PLXNB1: variants seen among roughly 807,000 people sequenced by gnomAD.
The protein encoded by PLXNB1 is plexin B1, also known as plexin-B1.
PLXNB1 carries 106 observed loss-of-function variants against 209.4 expected under a neutral mutation model. That is an observed-to-expected ratio of 0.51 (90% confidence interval 0.43 to 0.59). PLXNB1 has a LOEUF of 0.59. Among genes scored for constraint, PLXNB1 ranks in the 20% least tolerant of loss-of-function variants. PLXNB1 has a pLI of 0.00. For synonymous variants in PLXNB1, 1,167 were observed against 1,183.2 expected (o/e 0.99, Z 0.28); for missense variants, 2,357 against 2,853.2 (o/e 0.83, Z 3.96).
rs1305310693 is a variant in PLXNB1 at position 48,414,075 on chromosome 3, G to A, written c.4210-4C>T. 2.5e-6 allele frequency: 4 copies of A among 1,613,144 alleles called. No individual in the cohort carries two copies. The South Asian group carries it at 3.3e-5, about 13-fold the overall frequency. On this transcript the variant is annotated splice_polypyrimidine_tract_variant and splice_region_variant and intron_variant, in intron 21 of 37. Transcript: ENST00000296440. ...TTGCAAGGTCCAGGTTCTCCCCCTG[G>A]AACAGAGGGTCACCGATCAGTCACT...
At position 48,417,146 on chromosome 3, in the gene PLXNB1, TAGTCACCGTA is replaced by T. The variant is rs1289643678; in HGVS notation, c.3375-705_3375-696del. On this transcript the variant is annotated intron_variant, in intron 16 of 37. Transcript: ENST00000296440. This position sits in a 1 kb window ranked among gnomAD's most constrained non-coding sequence, Gnocchi z 4.4. Reference sequence around the variant, plus strand: ...TGGTCTGGAACACTAACAGTCTAGATAGTCACCGTAAGTTCTCGGTCATAACACATTCAGG... The same window carrying T: ...TGGTCTGGAACACTAACAGTCTAGATAGTTCTCGGTCATAACACATTCAGG... Among the ~76,000 whole-genome samples the T allele has an allele frequency of 6.6e-6, 1 of 151,986 alleles. No individual in the cohort carries two copies. Among genetic ancestry groups the T allele is most frequent in the Non-Finnish European group, 1.5e-5 (1 of 68,020 alleles).
intron 34 of PLXNB1, among the ~76,000 whole-genome samples, chr3:48,407,416 G>A (rs1575376551): frequency 1.3e-5 from 2 of 152,128 alleles, no homozygotes; most frequent in Non-Finnish European, 2.9e-5. Context: ...TTCACTCCCA[G>A]GGTCATCATT....
In PLXNB1 at chr3:48,416,046, T is replaced by G; in HGVS notation, c.3602A>C (p.Asp1201Ala). The change falls in exon 18 of 38, where the codon GAC (aspartate) becomes GCC (alanine). Residue 1201 changes from aspartate to alanine, a missense_variant. Transcript: ENST00000296440. The surrounding 1 kb of genome is among the most constrained non-coding windows in gnomAD (Gnocchi z 4.1). ...RLEDIRVVVG[D>A]QPCHLLPEQQ... ...TGGCCCTCACAAGTGACAAGGCTGGTCTCCAACCACCACTCGGATGTCCTC... is the reference window on the plus strand; with the variant it reads ...TGGCCCTCACAAGTGACAAGGCTGGGCTCCAACCACCACTCGGATGTCCTC... 6.2e-7 allele frequency: 1 copy of G among 1,603,502 alleles called. No homozygotes were observed. Among genetic ancestry groups the G allele is most frequent in the Non-Finnish European group, 8.5e-7 (1 of 1,175,382 alleles).
Position 48,409,798 on chromosome 3 carries a change from C to A in PLXNB1, c.5779-67G>T. 2.5e-6 allele frequency: 4 copies of A among 1,580,094 alleles called. No individual in the cohort carries two copies. The highest frequency in any genetic ancestry group is 4.5e-5 in the East Asian group (2 of 44,484). Reference sequence around the variant, plus strand: ...CCCTCAGCAGCAGCCCAGCCTCAGACACCCCCCGGCACTGTGCCTGCACGA... The same window carrying A: ...CCCTCAGCAGCAGCCCAGCCTCAGAAACCCCCCGGCACTGTGCCTGCACGA... On this transcript the variant is annotated intron_variant, in intron 32 of 37. Transcript: ENST00000296440. This position sits in a 1 kb window ranked among gnomAD's most constrained non-coding sequence, Gnocchi z 5.8.
chr3:48,422,771 C>T lies in PLXNB1; in HGVS notation c.1284G>A (p.Leu428=), dbSNP rs1163796601. 1.9e-6 allele frequency: 3 copies of T among 1,613,418 alleles called. No individual in the cohort carries two copies. Among genetic ancestry groups the T allele is most frequent in the Non-Finnish European group, 2.5e-6 (3 of 1,179,672 alleles). The change falls in exon 4 of 38, where the codon CTG becomes CTA. Residue 428 remains leucine, a synonymous_variant. Transcript: ENST00000296440. The part of the protein sequence containing the change: ...IAFLGDSQGQ[L]HRVYLGPGSD... ...GTACTTCCTGTGGGCTCACCCTGTGCAGCTGCCCTTGACTATCACCCAGGA... is the reference window on the plus strand; with the variant it reads ...GTACTTCCTGTGGGCTCACCCTGTGTAGCTGCCCTTGACTATCACCCAGGA...
chr3:48,404,552 C>T lies in PLXNB1; in HGVS notation c.6342G>A (p.Lys2114=). 2 of 1,613,918 alleles carry T rather than the reference C, an allele frequency of 1.2e-6. No homozygotes were observed. Among genetic ancestry groups the T allele is most frequent in the Middle Eastern group, 1.7e-4 (1 of 6,058 alleles). ...TALEEDGTAQ[K]MQLGYRLQQI... ...GCTGGAGCCGATAGCCCAGCTGCAT[C>T]TTCTGGGCCGTGCCATCCTCCTCCA... Residue 2114 remains lysine (K), a synonymous_variant, in exon 38 of 38, where the codon AAG becomes AAA. Coordinates refer to ENST00000296440, the MANE Select transcript of PLXNB1 (RefSeq NM_001130082.3).
At chr3:48,423,425 T>C in intron 3 of PLXNB1, 80 bp downstream of exon 3, 2 of 1,498,146 alleles carry the variant, frequency 1.3e-6, no homozygotes, top group Non-Finnish European at 1.8e-6. Context: ...GCCCTCGGAC[T>C]CTCTGGGCAG....
At position 48,413,635 on chromosome 3, in the gene PLXNB1, C is replaced by T; in HGVS notation, c.4535+35G>A. On this transcript the variant is annotated intron_variant, in intron 23 of 37. Coordinates refer to ENST00000296440, the MANE Select transcript of PLXNB1 (RefSeq NM_001130082.3). The surrounding 1 kb of genome is among the most constrained non-coding windows in gnomAD (Gnocchi z 5.4). ...TTCCCAGTCCAGCCAGATCCCACGA[C>T]CTGCCCCAGCCCAGCCACATCTGGC... The T allele has an allele frequency of 3.2e-6, 5 of 1,574,120 alleles. No individual in the cohort carries two copies. Among genetic ancestry groups the T allele is most frequent in the Non-Finnish European group, 4.3e-6 (5 of 1,154,572 alleles).
chr3:48,419,906 G>C lies in PLXNB1; in HGVS notation c.2380C>G (p.Pro794Ala). Residue 794 changes from proline (P) to alanine (A), a missense_variant, in exon 11 of 38, where the codon CCC becomes GCC. By Grantham distance (27) the Pro-to-Ala change is conservative. This residue lies in a region of PLXNB1 where 410 missense variants were observed against 401.0 expected (regional missense o/e 1.02). Coordinates refer to ENST00000296440, the MANE Select transcript of PLXNB1 (RefSeq NM_001130082.3). The surrounding 1 kb of genome is among the most constrained non-coding windows in gnomAD (Gnocchi z 5.7). ...GGGGGCACTGCTGCTACCTCTGAGG[G>C]TGACAGCGGGGAGGCCAAGAGGTCC... ...PEDLLASPLSPSEVAAVPPAD... is the reference protein window; with the variant it reads ...PEDLLASPLSASEVAAVPPAD... The C allele has an allele frequency of 6.4e-7, 1 of 1,563,132 alleles. No homozygotes were observed. The highest frequency in any genetic ancestry group is 1.2e-5 in the South Asian group (1 of 82,598).
chr3:48,421,136 CA>C, intron 8 of PLXNB1, 91 bp downstream of exon 8: 1 of 1,480,898 alleles, frequency 6.8e-7, no homozygotes, highest in East Asian at 2.3e-5. Context: ...GGCATCCATT[CA>C]TGGCTCTTTG....
In PLXNB1 at chr3:48,404,369, CT is replaced by C; in HGVS notation, c.*116del. On this transcript the variant is annotated 3_prime_UTR_variant, in exon 38 of 38. Transcript: ENST00000296440. ...GAGCCACCAGGAGACTGGGAGTCAC[CT>C]TCCACTAACTCTGCTTGTCAGTCAC... 1 of 643,236 alleles carries C rather than the reference CT, an allele frequency of 1.6e-6. No homozygotes were observed. Among genetic ancestry groups the C allele is most frequent in the Non-Finnish European group, 2.7e-6 (1 of 372,766 alleles). The allele number at this position is 643,236 out of a possible 1,614,324, so 39.8% of individuals were successfully genotyped here.
Position 48,409,413 on chromosome 3 carries a change from T to C in PLXNB1, c.6003A>G (p.Thr2001=). The change falls in exon 34 of 38, where the codon ACA becomes ACG. Residue 2001 remains threonine, a synonymous_variant. Coordinates refer to ENST00000296440, the MANE Select transcript of PLXNB1 (RefSeq NM_001130082.3). This position sits in a 1 kb window ranked among gnomAD's most constrained non-coding sequence, Gnocchi z 5.8. ...GGAGCACCGCATCCATGTTATCAGA[T>C]GTTTGCACGTCGAACACAAACTGCG... The part of the protein sequence containing the change: ...KNPQFVFDVQ[T]SDNMDAVLLV... 6.2e-7 allele frequency: 1 copy of C among 1,614,192 alleles called. No homozygotes were observed. Among genetic ancestry groups the C allele is most frequent in the African/African-American group, 1.3e-5 (1 of 75,050 alleles).
At chr3:48,427,027 C>G (rs2038930328) in intron 1 of PLXNB1, among the ~76,000 whole-genome samples, 1 of 152,150 alleles carries the variant, frequency 6.6e-6, no homozygotes. Flanking sequence ...ATAGTTAGAC[C>G]AATACTCACT....
chr3:48,430,202 C>A (rs1198481212), upstream of PLXNB1, among the ~76,000 whole-genome samples: 4 of 152,248 alleles, frequency 2.6e-5, no homozygotes, highest in Non-Finnish European at 5.9e-5. Flanking sequence ...ACACCAACCC[C>A]CCCCAGCCTA....
Position 48,424,094 on chromosome 3 carries a change from G to T in PLXNB1, c.518C>A (p.Thr173Asn). ...AATGCCACCCCCCACACCCCTGCTG[G>T]TGTATCCTCGCCCCACAAACAGGAG... ...EPLLFVGRGY[T>N]SRGVGGGIPP... Residue 173 changes from threonine to asparagine, a missense_variant, in exon 3 of 38, where the codon ACC (threonine) becomes AAC (asparagine). By Grantham distance (65) the Thr-to-Asn change is moderately conservative (BLOSUM62 0). This residue lies in a region of PLXNB1 where 404 missense variants were observed against 443.6 expected (regional missense o/e 0.91). Transcript: ENST00000296440. The T allele has an allele frequency of 6.4e-7, 1 of 1,561,312 alleles. No individual in the cohort carries two copies.
At position 48,422,952 on chromosome 3, in the gene PLXNB1, A is replaced by G. The variant is rs538436478; in HGVS notation, c.1108-5T>C. Reference sequence around the variant, plus strand: ...GGGATAAGCATCCAGGGTGTCCTATAGGCAGCAAGAAGCATCAGGAAGGCC... The same window carrying G: ...GGGATAAGCATCCAGGGTGTCCTATGGGCAGCAAGAAGCATCAGGAAGGCC... On this transcript the variant is annotated splice_region_variant and splice_polypyrimidine_tract_variant and intron_variant, in intron 3 of 37. Transcript: ENST00000296440. 1 of 1,609,352 alleles carries G rather than the reference A, an allele frequency of 6.2e-7. No homozygotes were observed. Among genetic ancestry groups the G allele is most frequent in the South Asian group, 1.1e-5 (1 of 90,920 alleles).
chr3:48,405,645 G>A lies in PLXNB1; in HGVS notation c.6303+79C>T, dbSNP rs751762093. 2 of 1,123,450 alleles carry A rather than the reference G, an allele frequency of 1.8e-6. No individual in the cohort carries two copies. Among genetic ancestry groups the A allele is most frequent in the Non-Finnish European group, 1.3e-6 (1 of 755,374 alleles). The allele number at this position is 1,123,450 out of a possible 1,614,324, so 69.6% of individuals were successfully genotyped here. ...TGGGGAAGACCAAAGCCCCCAACGT[G>A]AGTCACAGGGTCAGAGCCCCTTAAG... On this transcript the variant is annotated intron_variant, in intron 37 of 37. Coordinates refer to ENST00000296440, the MANE Select transcript of PLXNB1 (RefSeq NM_001130082.3). The surrounding 1 kb of genome is among the most constrained non-coding windows in gnomAD (Gnocchi z 5.0).
intron 21 of PLXNB1, among the ~76,000 whole-genome samples, chr3:48,414,570 C>G (rs908963883): frequency 6.6e-6 from 1 of 152,208 alleles, no homozygotes; most frequent in Non-Finnish European, 1.5e-5. Flanking sequence ...CAGAGCCTGC[C>G]ATGGAGTGCA....
chr3:48,420,784 C>T lies in PLXNB1; in HGVS notation c.1920-11G>A. 1 of 1,613,730 alleles carries T rather than the reference C, an allele frequency of 6.2e-7. No homozygotes were observed. The highest frequency in any genetic ancestry group is 2.2e-5 in the East Asian group (1 of 44,872). ...ACACAGGCCTGGCACCTGCACAGAG[C>T]ACAGCCATGGGGCAAGGGTCGCCAC... On this transcript the variant is annotated splice_polypyrimidine_tract_variant and intron_variant, in intron 9 of 37. Coordinates refer to ENST00000296440, the MANE Select transcript of PLXNB1 (RefSeq NM_001130082.3).
Sources: gnomAD v4.1 joint callset for allele counts (sites outside exome capture counted in the v4.1 genomes callset) on GRCh38, gnomAD v4.1.1 for gene constraint, gnomAD v4.1.1 regional missense constraint, Gnocchi (gnomAD v3.1) non-coding constraint, MANE v1.5 for transcripts, NCBI Gene and HGNC (gene_info 2026-07-23, HGNC 2026-07-21) for gene names.